The following TRAM2 variants were observed in gnomAD, a reference collection of about 807,000 sequenced individuals.
The protein encoded by TRAM2 is translocation associated membrane protein 2.
TRAM2 carries 12 observed loss-of-function variants against 51.0 expected under a neutral mutation model. The ratio of observed to expected loss-of-function variants is 0.24; its 90% CI spans 0.15 to 0.38. TRAM2 has a LOEUF of 0.38. Among genes scored for constraint, TRAM2 ranks in the 10% least tolerant of loss-of-function variants. The pLI is 1.00. For missense variants in TRAM2, 361 were observed against 462.0 expected (o/e 0.78, Z 2.00); for synonymous variants, 175 against 179.4 (o/e 0.98, Z 0.20).
intron 1 of TRAM2, among the ~76,000 whole-genome samples, chr6:52,566,914 C>A (rs192798094): frequency 6.6e-6 from 1 of 152,340 alleles, no homozygotes; most frequent in African/African-American, 2.4e-5. Context: ...TATGGCAGCT[C>A]AACTGGGGTA....
At chr6:52,538,833 C>T (rs1055220444) in intron 1 of TRAM2, among the ~76,000 whole-genome samples, 2 of 152,126 alleles carry the variant, frequency 1.3e-5, no homozygotes, top group Non-Finnish European at 2.9e-5. Context: ...TCATCATTCA[C>T]ATGAATTATG....
chr6:52,554,356 C>T (rs974791457), intron 1 of TRAM2, among the ~76,000 whole-genome samples: 9 of 151,980 alleles, frequency 5.9e-5, no homozygotes, highest in Non-Finnish European at 8.8e-5. Context: ...GAAAACCTGT[C>T]TCTACTAAAA....
chr6:52,534,758 T>C (rs1235592155), intron 2 of TRAM2, among the ~76,000 whole-genome samples: 3 of 152,144 alleles, frequency 2.0e-5, no homozygotes, highest in East Asian at 1.9e-4. Flanking sequence ...TATGTGACAA[T>C]TGGCTGGAAG....
At position 52,500,642 on chromosome 6, in the gene TRAM2, T is replaced by G. The variant is rs549770998; in HGVS notation, c.*2555A>C. On this transcript the variant is annotated 3_prime_UTR_variant, in exon 11 of 11. Transcript: ENST00000182527. The stretch of plus-strand genomic sequence containing the variant: ...GTGGGACCACATCCAAGGCATGAAG[T>G]ACTGGCAGCACGGGGAGCTTGCAAG... 6.6e-6 allele frequency: 1 copy of G among 152,130 alleles called. No homozygotes were observed. Among genetic ancestry groups the G allele is most frequent in the South Asian group, 2.1e-4 (1 of 4,818 alleles). The allele number at this position is 152,130 out of a possible 1,614,324, so 9.4% of individuals were successfully genotyped here. A position where few individuals can be genotyped will look rare whatever the true frequency, so the allele number is the denominator to read the frequency against.
intron 1 of TRAM2, among the ~76,000 whole-genome samples, chr6:52,566,359 G>C (rs545355571): frequency 1.2e-4 from 18 of 152,256 alleles, no homozygotes; most frequent in African/African-American, 4.3e-4. Flanking sequence ...ATCAACACCA[G>C]AGACAGTTCA....
intron 1 of TRAM2, among the ~76,000 whole-genome samples, chr6:52,545,782 C>T (rs1213444877): frequency 6.6e-6 from 1 of 152,146 alleles, no homozygotes; most frequent in Non-Finnish European, 1.5e-5. Flanking sequence ...CCATAGTCCT[C>T]CATGGCTCCC....
At chr6:52,519,454 C>T (rs1227149710) in intron 2 of TRAM2, among the ~76,000 whole-genome samples, 1 of 152,096 alleles carries the variant, frequency 6.6e-6, no homozygotes, top group Non-Finnish European at 1.5e-5. Context: ...AGGACGGTTA[C>T]AATGAGGAAA....
intron 1 of TRAM2, among the ~76,000 whole-genome samples, chr6:52,541,088 T>C (rs534888607): frequency 2.0e-5 from 3 of 152,228 alleles, no homozygotes; most frequent in Admixed American, 6.5e-5. Flanking sequence ...TGGCTGCAAC[T>C]AGACCAAGGA....
intron 1 of TRAM2, among the ~76,000 whole-genome samples, chr6:52,561,865 C>T (rs535259982): frequency 6.6e-6 from 1 of 152,268 alleles, no homozygotes; most frequent in African/African-American, 2.4e-5. Context: ...GCCTTGGCCT[C>T]CCAAAGTGCT....
intron 2 of TRAM2, among the ~76,000 whole-genome samples, chr6:52,530,768 C>G (rs1766874861): frequency 6.6e-6 from 1 of 152,096 alleles, no homozygotes; most frequent in African/African-American, 2.4e-5. Context: ...ATCCAGAACG[C>G]TGGGATGGTA....
At chr6:52,555,442 T>C (rs1767388616) in intron 1 of TRAM2, among the ~76,000 whole-genome samples, 1 of 152,144 alleles carries the variant, frequency 6.6e-6, no homozygotes, top group Non-Finnish European at 1.5e-5. Context: ...TAGACAGATA[T>C]AAGCGTGGAG....
chr6:52,512,789 G>A (rs1198998794), intron 4 of TRAM2, among the ~76,000 whole-genome samples: 1 of 152,178 alleles, frequency 6.6e-6, no homozygotes, highest in Non-Finnish European at 1.5e-5. Context: ...ACAGGCAAGT[G>A]CTACATAAAT....
At chr6:52,536,268 G>C (rs1581883876) in intron 1 of TRAM2, among the ~76,000 whole-genome samples, 1 of 152,314 alleles carries the variant, frequency 6.6e-6, no homozygotes. Flanking sequence ...CAGCACTTTG[G>C]CTGCCTGTGC....
intron 2 of TRAM2, among the ~76,000 whole-genome samples, chr6:52,528,873 A>G (rs1766830983): frequency 6.6e-6 from 1 of 150,710 alleles, no homozygotes; most frequent in African/African-American, 2.4e-5. Context: ...CTGCCTTACA[A>G]ACGTGTACAT....
At chr6:52,503,924 T>C (rs1766289933) in intron 10 of TRAM2, among the ~76,000 whole-genome samples, 1 of 152,056 alleles carries the variant, frequency 6.6e-6, no homozygotes, top group South Asian at 2.1e-4. Context: ...CGTGTCTGGT[T>C]CAAACACACA....
Position 52,541,802 on chromosome 6 carries a change from T to TG in TRAM2, c.121-5957dup, listed in dbSNP as rs1467655024. Among the ~76,000 whole-genome samples the TG allele has an allele frequency of 1.2e-4, 8 of 65,158 alleles. No individual in the cohort carries two copies. The East Asian group carries it at 6.9e-3, about 56-fold the overall frequency. The allele number at this position is 65,158 out of a possible 152,430, so 42.7% of individuals were successfully genotyped here. On this transcript the variant is annotated intron_variant, in intron 1 of 10. Transcript: ENST00000182527. Reference sequence around the variant, plus strand: ...TTAAATCCTTTGGTTCAGTTTATTCTGTTTTTTTTTTTTTTGGCAGACACA... The same window carrying TG: ...TTAAATCCTTTGGTTCAGTTTATTCTGGTTTTTTTTTTTTTTGGCAGACACA...
chr6:52,507,062 A>T (rs559658693), intron 7 of TRAM2, among the ~76,000 whole-genome samples: 3 of 152,342 alleles, frequency 2.0e-5, no homozygotes, highest in South Asian at 4.1e-4. Context: ...AACTAATATT[A>T]TAGCAATTCT....
intron 6 of TRAM2, 103 bp downstream of exon 6, chr6:52,508,131 C>T (rs1766382438): frequency 1.9e-6 from 2 of 1,049,098 alleles, no homozygotes; most frequent in South Asian, 1.5e-5. Context: ...CACCACCCAA[C>T]ACTCCATGCT....
At position 52,570,945 on chromosome 6, in the gene TRAM2, C is replaced by T. The variant is rs1767670322; in HGVS notation, c.120+5851G>A. Among the ~76,000 whole-genome samples the T allele has an allele frequency of 2.0e-5, 3 of 152,120 alleles. No homozygotes were observed. In the South Asian group the frequency reaches 6.2e-4, roughly 32 times the overall value. On this transcript the variant is annotated intron_variant, in intron 1 of 10. Coordinates refer to ENST00000182527, the MANE Select transcript of TRAM2 (RefSeq NM_012288.4). ...CGACCAAGTTAGGTGTCGTTCTCCT[C>T]TACTATGGGACATCTGAGACAGTAG...
Sources: gnomAD v4.1 joint callset for allele counts (sites outside exome capture counted in the v4.1 genomes callset) on GRCh38, gnomAD v4.1.1 for gene constraint, MANE v1.5 for transcripts, NCBI Gene and HGNC (gene_info 2026-07-23, HGNC 2026-07-21) for gene names.